Variants in UBOX5 observed in about 807,000 individuals in gnomAD.
UBOX5 encodes the protein RING finger protein 37.
A neutral mutation model predicts 39.0 loss-of-function variants in UBOX5; 28 were observed. The ratio of observed to expected loss-of-function variants is 0.72; its 90% CI spans 0.53 to 0.98. The LOEUF (loss-of-function observed/expected upper bound fraction) is 0.98. Among genes scored for constraint, UBOX5 ranks in the 50% least tolerant of loss-of-function variants. The pLI is 0.00. For synonymous variants in UBOX5, 283 were observed against 275.5 expected (o/e 1.03, Z -0.27); for missense variants, 585 against 674.4 (o/e 0.87, Z 1.47).
chr20:3,151,010 T>G (rs979935215), intron 1 of UBOX5: 1 of 152,202 alleles, frequency 6.6e-6, no homozygotes, highest in Non-Finnish European at 1.5e-5. Flanking sequence ...CCTCTTGAAG[T>G]AGCAAAAACT....
At chr20:3,138,479 A>G (rs931924743) in intron 1 of UBOX5, among the ~76,000 whole-genome samples, 2 of 152,108 alleles carry the variant, frequency 1.3e-5, no homozygotes, top group Non-Finnish European at 2.9e-5. Flanking sequence ...AGGTCTCAGG[A>G]TAACAGCGGA....
chr20:3,158,157 CAG>C (rs1167826010), intron 1 of UBOX5, among the ~76,000 whole-genome samples: 1 of 151,994 alleles, frequency 6.6e-6, no homozygotes. Flanking sequence ...TTCGTAGAGA[CAG>C]AGTTTCCCTA....
chr20:3,151,051 T>G (rs764287257), intron 1 of UBOX5, among the ~76,000 whole-genome samples: 6 of 150,756 alleles, frequency 4.0e-5, no homozygotes, highest in Non-Finnish European at 8.8e-5. Flanking sequence ...CCAGTTAGTG[T>G]GTGTTTGTGT....
At chr20:3,135,323 A>G (rs1189793613) in intron 1 of UBOX5, among the ~76,000 whole-genome samples, 1 of 152,152 alleles carries the variant, frequency 6.6e-6, no homozygotes, top group Non-Finnish European at 1.5e-5. Flanking sequence ...TGTAGACTAC[A>G]GGAGCCAAGA....
rs2148622142 is a variant in UBOX5, at chr20:3,149,753, C to T, written c.-42+10013G>A. Among the ~76,000 whole-genome samples the T allele has an allele frequency of 6.6e-6, 1 of 152,288 alleles. No individual in the cohort carries two copies. Among genetic ancestry groups the T allele is most frequent in the South Asian group, 2.1e-4 (1 of 4,818 alleles). On this transcript the variant is annotated intron_variant, in intron 1 of 4. Coordinates refer to ENST00000217173, the MANE Select transcript of UBOX5 (RefSeq NM_014948.4). This position sits in a 1 kb window ranked among gnomAD's most constrained non-coding sequence, Gnocchi z 4.1. ...ATTAGTTGGCTGGGTGTGGGTGGCT[C>T]ATGCCTGTAATGCCAGCACTTTGGG...
At chr20:3,146,976 C>T in intron 1 of UBOX5, 2 of 1,614,200 alleles carry the variant, frequency 1.2e-6, no homozygotes, top group South Asian at 1.1e-5. Context: ...GTGAACTGAA[C>T]AGCCAGCTTC....
chr20:3,151,727 G>C (rs1001336092), intron 1 of UBOX5: 8 of 151,952 alleles, frequency 5.3e-5, no homozygotes, highest in Non-Finnish European at 1.0e-4. Flanking sequence ...TTAATATTTA[G>C]ATGATAATTG....
intron 1 of UBOX5, among the ~76,000 whole-genome samples, chr20:3,135,560 G>A (rs1490066740): frequency 6.6e-6 from 1 of 151,760 alleles, no homozygotes; most frequent in Non-Finnish European, 1.5e-5. Flanking sequence ...CTGAGGTAGT[G>A]TTTCCCAAAC....
chr20:3,117,512 C>T lies in UBOX5; in HGVS notation c.1256-2046G>A, dbSNP rs1432407359. Among the ~76,000 whole-genome samples, 4 of 152,074 alleles carry T rather than the reference C, an allele frequency of 2.6e-5. No homozygotes were observed. The East Asian group carries it at 7.7e-4, about 29-fold the overall frequency. On this transcript the variant is annotated intron_variant, in intron 3 of 4. Coordinates refer to ENST00000217173, the MANE Select transcript of UBOX5 (RefSeq NM_014948.4). ...CAGCCTGGGCAACATGGTGAAACAC[C>T]GTCTCTAATAAAATACGAAAAATTA...
chr20:3,123,258 G>T (rs2066352136), intron 2 of UBOX5, 54 bp downstream of exon 2: 1 of 1,560,708 alleles, frequency 6.4e-7, no homozygotes, highest in Admixed American at 1.7e-5. Context: ...AGGAAATGAT[G>T]AAACACATGA....
intron 1 of UBOX5, chr20:3,147,300 C>G (rs2066575159): frequency 6.2e-7 from 1 of 1,614,218 alleles, no homozygotes; most frequent in South Asian, 1.1e-5. Flanking sequence ...AGCTGGACCT[C>G]TAAGTCAGAA....
chr20:3,122,684 C>T, intron 2 of UBOX5, 100 bp from the exon 3 acceptor site: 1 of 1,425,560 alleles, frequency 7.0e-7, no homozygotes, highest in Non-Finnish European at 9.2e-7. Context: ...TTTAAAATTT[C>T]CTCTATTAAA....
rs572452299 is a variant in UBOX5 at position 3,124,456 on chromosome 20, G to C, written c.-41-1050C>G. Among the ~76,000 whole-genome samples, 13 of 152,304 alleles carry C rather than the reference G, an allele frequency of 8.5e-5. No individual in the cohort carries two copies. In the South Asian group the frequency reaches 2.5e-3, roughly 29 times the overall value. On this transcript the variant is annotated intron_variant, in intron 1 of 4. Coordinates refer to ENST00000217173, the MANE Select transcript of UBOX5 (RefSeq NM_014948.4). ...GTTGCCCAGGCTGGAGTGCAGTGGCGTGATCTCGGCTCGCTACAACCTCCA... is the reference window on the plus strand; with the variant it reads ...GTTGCCCAGGCTGGAGTGCAGTGGCCTGATCTCGGCTCGCTACAACCTCCA...
intron 1 of UBOX5, among the ~76,000 whole-genome samples, chr20:3,144,077 G>A (rs2066540433): frequency 6.6e-6 from 1 of 152,114 alleles, no homozygotes; most frequent in Non-Finnish European, 1.5e-5. Context: ...TGGATTAGAA[G>A]GCTTAATACT....
chr20:3,158,141 G>GT (rs1403882252), intron 1 of UBOX5, among the ~76,000 whole-genome samples: 3 of 151,692 alleles, frequency 2.0e-5, no homozygotes, highest in South Asian at 4.2e-4. Context: ...TTTGTTTTTT[G>GT]TTTTTTTCGT....
Position 3,149,208 on chromosome 20 carries a change from A to G in UBOX5, c.-42+10558T>C. ...CAAAAACTGCCTGGAAATCTTCAGCATATCACAAGAGCCAGGGATCACAAA... is the reference window on the plus strand; with the variant it reads ...CAAAAACTGCCTGGAAATCTTCAGCGTATCACAAGAGCCAGGGATCACAAA... On this transcript the variant is annotated intron_variant, in intron 1 of 4. Transcript: ENST00000217173. The surrounding 1 kb of genome is among the most constrained non-coding windows in gnomAD (Gnocchi z 4.1). 3 of 850,174 alleles carry G rather than the reference A, an allele frequency of 3.5e-6. No homozygotes were observed. Among genetic ancestry groups the G allele is most frequent in the Non-Finnish European group, 5.4e-6 (3 of 554,212 alleles). The allele number at this position is 850,174 out of a possible 1,614,324, so 52.7% of individuals were successfully genotyped here. A position where few individuals can be genotyped will look rare whatever the true frequency, so the allele number is the denominator to read the frequency against.
At chr20:3,146,907 T>C (rs1314331015) in intron 1 of UBOX5, 1 of 1,614,052 alleles carries the variant, frequency 6.2e-7, no homozygotes, top group African/African-American at 1.3e-5. Flanking sequence ...AGCTGCCGCC[T>C]CTTCATATTG....
chr20:3,115,488 A>G, intron 3 of UBOX5, 22 bp from the exon 4 acceptor site: 4 of 1,593,354 alleles, frequency 2.5e-6, no homozygotes, highest in Non-Finnish European at 3.4e-6. Context: ...TGCGCACAGC[A>G]CAACATCCAG....
intron 1 of UBOX5, among the ~76,000 whole-genome samples, chr20:3,140,897 T>C (rs1034069179): frequency 1.2e-4 from 18 of 151,354 alleles, no homozygotes; most frequent in Non-Finnish European, 2.1e-4. Context: ...CCATCTATTT[T>C]TTTTTTTAGG....
Sources: allele counts gnomAD v4.1 joint callset (sites outside exome capture counted in the v4.1 genomes callset), GRCh38; gene constraint gnomAD v4.1.1; non-coding constraint Gnocchi (gnomAD v3.1); transcripts MANE v1.5; gene names NCBI Gene and HGNC (gene_info 2026-07-23, HGNC 2026-07-21).